The following RBFOX1 variants were observed in gnomAD, a reference collection of about 807,000 sequenced individuals.
RBFOX1 encodes the protein RNA binding fox-1 homolog 1, also known as RNA binding protein fox-1 homolog 1.
Under a neutral mutation model 57.7 loss-of-function variants are expected in RBFOX1, and 8 were observed. The ratio of observed to expected loss-of-function variants is 0.14; its 90% CI spans 0.08 to 0.25. The LOEUF is 0.25. RBFOX1 is among the 10% of genes least tolerant of loss of function. RBFOX1 has a pLI of 1.00. For synonymous variants in RBFOX1, 326 were observed against 222.4 expected, an observed-to-expected ratio of 1.47 and a Z score of -4.15; for missense variants, 611 against 548.5, an observed-to-expected ratio of 1.11 and a Z score of -1.14.
intron 4 of RBFOX1, among the ~76,000 whole-genome samples, chr16:7,223,952 C>T (rs77170449): frequency 0.1 from 15,476 of 151,684 alleles, 948 homozygotes; most frequent in African/African-American, 0.17. Context: ...AGGCACACCT[C>T]ATTGTTCCAC....
At chr16:7,292,437 AATAT>A (rs2095808440) in intron 4 of RBFOX1, among the ~76,000 whole-genome samples, 1 of 143,626 alleles carries the variant, frequency 7.0e-6, no homozygotes, top group African/African-American at 2.6e-5. Context: ...TATTATATAT[AATAT>A]ATAATATGTA....
At position 6,863,725 on chromosome 16, in the gene RBFOX1, CTTTTTTTTTTT is replaced by C. The variant is rs71408412; in HGVS notation, c.-15-188315_-15-188305del. Among the ~76,000 whole-genome samples, 6 of 67,778 alleles carry C rather than the reference CTTTTTTTTTTT, an allele frequency of 8.9e-5. 1 individual carries two copies. Among genetic ancestry groups the C allele is most frequent in the South Asian group, 6.7e-4 (1 of 1,498 alleles). The allele number at this position is 67,778 out of a possible 152,430, so 44.5% of individuals were successfully genotyped here. Reference sequence around the variant, plus strand: ...CGGAAGCACAAATTGGATGCCTGCGCTTTTTTTTTTTTTTTTTTTTTTTTTTTACCAAAACC... The same window carrying C: ...CGGAAGCACAAATTGGATGCCTGCGCTTTTTTTTTTTTTTTTACCAAAACC... On this transcript the variant is annotated intron_variant, in intron 3 of 15. Transcript: ENST00000550418.
At chr16:7,210,431 C>T (rs2346609) in intron 4 of RBFOX1, among the ~76,000 whole-genome samples, 56,774 of 151,940 alleles carry the variant, frequency 0.37, 11,969 homozygotes, top group African/African-American at 0.58. Flanking sequence ...TCCAATTGCA[C>T]TACACTCACC....
At chr16:6,752,441 T>C (rs946497065) in intron 3 of RBFOX1, among the ~76,000 whole-genome samples, 1 of 152,130 alleles carries the variant, frequency 6.6e-6, no homozygotes, top group Non-Finnish European at 1.5e-5. Context: ...TTTCAAGTAG[T>C]TGTAGAATTT....
chr16:7,267,820 C>T (rs1035718752), intron 4 of RBFOX1, among the ~76,000 whole-genome samples: 2 of 152,178 alleles, frequency 1.3e-5, no homozygotes, highest in Non-Finnish European at 2.9e-5. Flanking sequence ...TGTGCCACTG[C>T]ACTCCAGCCG....
At chr16:5,672,934 C>G (rs535952889) in intron 3 of RBFOX1, among the ~76,000 whole-genome samples, 1 of 151,928 alleles carries the variant, frequency 6.6e-6, no homozygotes, top group Non-Finnish European at 1.5e-5. Context: ...CATTCTCCAT[C>G]CTGAACTTTT....
chr16:7,684,133 G>T (rs1345526784), intron 14 of RBFOX1, among the ~76,000 whole-genome samples: 1 of 152,074 alleles, frequency 6.6e-6, no homozygotes, highest in African/African-American at 2.4e-5. Flanking sequence ...CAGAAGAACT[G>T]ATTTCTATTT....
intron 3 of RBFOX1, among the ~76,000 whole-genome samples, chr16:6,914,397 A>T (rs2072549229): frequency 6.6e-6 from 1 of 152,154 alleles, no homozygotes; most frequent in African/African-American, 2.4e-5. Flanking sequence ...CAGAATCTAC[A>T]AGTTAAAAGA....
chr16:6,396,460 T>G (rs1368251742), intron 2 of RBFOX1, among the ~76,000 whole-genome samples: 1 of 151,732 alleles, frequency 6.6e-6, no homozygotes, highest in African/African-American at 2.4e-5. Flanking sequence ...AAGATGCAGA[T>G]TTACCTATAA....
chr16:6,145,471 A>C (rs1356466254), intron 1 of RBFOX1, among the ~76,000 whole-genome samples: 2 of 151,960 alleles, frequency 1.3e-5, no homozygotes, highest in Non-Finnish European at 2.9e-5. Context: ...TGTCTTTGCT[A>C]TTGTGAATAG....
At chr16:6,863,429 T>C (rs2059354934) in intron 3 of RBFOX1, among the ~76,000 whole-genome samples, 1 of 152,082 alleles carries the variant, frequency 6.6e-6, no homozygotes, top group Admixed American at 6.5e-5. Flanking sequence ...AGGCCCATAA[T>C]GGAAGGAACT....
chr16:6,757,698 G>T (rs1344085861), intron 3 of RBFOX1, among the ~76,000 whole-genome samples: 1 of 152,094 alleles, frequency 6.6e-6, no homozygotes, highest in African/African-American at 2.4e-5. Flanking sequence ...CAAACATATG[G>T]TTAGATAGGA....
chr16:6,285,798 T>C (rs560949614), intron 1 of RBFOX1, among the ~76,000 whole-genome samples: 52 of 152,288 alleles, frequency 3.4e-4, no homozygotes, highest in African/African-American at 1.3e-3. Flanking sequence ...TTGTGACTGC[T>C]CTAGTTGCAG....
chr16:7,458,559 C>G (rs568082404), intron 4 of RBFOX1, among the ~76,000 whole-genome samples: 3 of 152,286 alleles, frequency 2.0e-5, no homozygotes, highest in Non-Finnish European at 4.4e-5. Context: ...ACTTCTCTGA[C>G]CTACTTCCCT....
chr16:5,478,679 C>T (rs2069416411), intron 2 of RBFOX1, among the ~76,000 whole-genome samples: 1 of 152,194 alleles, frequency 6.6e-6, no homozygotes, highest in African/African-American at 2.4e-5. Context: ...CTGCTCTTCT[C>T]CACTGTTCTT....
chr16:6,728,355 G>C (rs545470849), intron 3 of RBFOX1, among the ~76,000 whole-genome samples: 7 of 94,052 alleles, frequency 7.4e-5, no homozygotes, highest in Non-Finnish European at 1.4e-4. Flanking sequence ...TGTATAAACA[G>C]TTAAATCCCA....
At chr16:6,861,823 G>GTTTTTTTTTTTTTTTTTTTTTTTTTTTTT in intron 3 of RBFOX1, among the ~76,000 whole-genome samples, 1 of 92,458 alleles carries the variant, frequency 1.1e-5, no homozygotes, top group Non-Finnish European at 1.9e-5. Flanking sequence ...GCGTCCCTTG[G>GTTTTTTTTTTTTTTTTTTTTTTTTTTTTT]TTTTTTTTTT....
At chr16:6,967,876 C>T (rs1178564230) in intron 3 of RBFOX1, among the ~76,000 whole-genome samples, 1 of 152,118 alleles carries the variant, frequency 6.6e-6, no homozygotes, top group Non-Finnish European at 1.5e-5. Flanking sequence ...GGTTGTCAGT[C>T]TGAAAAAAGA....
intron 3 of RBFOX1, among the ~76,000 whole-genome samples, chr16:6,995,233 G>A (rs1367329114): frequency 6.7e-6 from 1 of 148,426 alleles, no homozygotes; most frequent in African/African-American, 2.5e-5. Context: ...TAGAGCATAT[G>A]ATTTACATTA....
Sources: allele counts gnomAD v4.1 joint callset (sites outside exome capture counted in the v4.1 genomes callset), GRCh38; gene constraint gnomAD v4.1.1; transcripts MANE v1.5; gene names NCBI Gene and HGNC (gene_info 2026-07-23, HGNC 2026-07-21).